FUT7: variants seen among roughly 807,000 people sequenced by gnomAD.
FUT7 encodes alpha-(1,3)-fucosyltransferase 7.
Under a neutral mutation model 5.0 loss-of-function variants are expected in FUT7, and 2 were observed. That is an observed-to-expected ratio of 0.40 (90% CI 0.16 to 1.26). The LOEUF is 1.26. FUT7 is among the 50% of genes most tolerant of loss of function. The pLI, the probability that FUT7 is intolerant of heterozygous loss-of-function variation, is 0.32. For synonymous variants in FUT7, 218 were observed against 210.6 expected, an observed-to-expected ratio of 1.03 and a Z score of -0.30; for missense variants, 461 against 489.8, an observed-to-expected ratio of 0.94 and a Z score of 0.55.
rs1831850029 is a variant in FUT7 at position 137,031,347 on chromosome 9, C to T, written c.392G>A (p.Ser131Asn). ...MESPSHTHGL[S>N]HLRGIFNWVL... ...CCAGTTGAAGATGCCTCGGAGGTGG[C>T]TGAGGCCGTGGGTGTGGCTAGGAGA... is the stretch of plus-strand genomic sequence containing the variant. Residue 131 changes from serine to asparagine, a missense_variant, in exon 2 of 2, where the codon AGC (serine) becomes AAC (asparagine). Transcript: ENST00000314412. 2 of 1,602,278 alleles carry T rather than the reference C, an allele frequency of 1.2e-6. No homozygotes were observed. Among genetic ancestry groups the T allele is most frequent in the African/African-American group, 2.7e-5 (2 of 74,972 alleles).
chr9:137,030,964 G>T lies in FUT7; in HGVS notation c.775C>A (p.Arg259=), dbSNP rs377124986. 14 of 1,612,844 alleles carry T rather than the reference G, an allele frequency of 8.7e-6. No individual in the cohort carries two copies. The highest frequency in any genetic ancestry group is 1.2e-5 in the Non-Finnish European group (14 of 1,180,006). Residue 259 remains arginine, a synonymous_variant, in exon 2 of 2, where the codon CGG becomes AGG. Transcript: ENST00000314412. ...GGCACGAAGGCCTCATAGGTGGCCC[G>T]TGGGGGCCCCAGCACCACTGGCACA... is the stretch of plus-strand genomic sequence containing the variant. ...GTVPVVLGPP[R]ATYEAFVPAD... is the part of the protein sequence containing the mutation.
rs1269903056 is a variant in FUT7, at chr9:137,031,295, GT to G, written c.443del (p.Asp148AlafsTer143). 1.9e-6 allele frequency: 3 copies of G among 1,607,298 alleles called. No individual in the cohort carries two copies. Among genetic ancestry groups the G allele is most frequent in the Admixed American group, 1.7e-5 (1 of 59,378 alleles). On this transcript the variant is annotated frameshift_variant, in exon 2 of 2. Coordinates refer to ENST00000314412, the MANE Select transcript of FUT7 (RefSeq NM_004479.4). LOFTEE classifies it low-confidence loss of function (END_TRUNC). ...NWVLSYRRDS[D>X]IFVPYGRLEP... The stretch of plus-strand genomic sequence containing the variant: ...CCAGGCGGCCATAGGGCACAAAGAT[GT>G]CCGAGTCGCGCCGGTAGCTCAGCAC...
chr9:137,030,980 C>T lies in FUT7; in HGVS notation c.759G>A (p.Val253=). The T allele has an allele frequency of 6.2e-7, 1 of 1,612,902 alleles. No individual in the cohort carries two copies. Among genetic ancestry groups the T allele is most frequent in the Non-Finnish European group, 8.5e-7 (1 of 1,180,028 alleles). Residue 253 remains valine, a synonymous_variant, in exon 2 of 2, where the codon GTG becomes GTA. Coordinates refer to ENST00000314412, the MANE Select transcript of FUT7 (RefSeq NM_004479.4). ...AGGTGGCCCGTGGGGGCCCCAGCAC[C>T]ACTGGCACAGTGCCAGCCACCAGTG... ...RNALVAGTVP[V]VLGPPRATYE...
In FUT7 at chr9:137,031,309, G is replaced by A. The variant is rs766686018; in HGVS notation, c.430C>T (p.Arg144Trp). 2.1e-5 allele frequency: 33 copies of A among 1,606,068 alleles called. No homozygotes were observed. Among genetic ancestry groups the A allele is most frequent in the Middle Eastern group, 1.6e-4 (1 of 6,072 alleles). Residue 144 changes from arginine (R) to tryptophan (W), a missense_variant, in exon 2 of 2, where the codon CGG (arginine) becomes TGG (tryptophan). Physicochemically the swap from Arg to Trp is moderately radical, Grantham distance 101. Transcript: ENST00000314412. The part of the protein sequence containing the change: ...RGIFNWVLSY[R>W]RDSDIFVPYG... The stretch of plus-strand genomic sequence containing the variant: ...GGCACAAAGATGTCCGAGTCGCGCC[G>A]GTAGCTCAGCACCCAGTTGAAGATG...
Position 137,031,406 on chromosome 9 carries a change from C to T in FUT7, c.333G>A (p.Pro111=), listed in dbSNP as rs779833281. The T allele has an allele frequency of 1.6e-5, 25 of 1,563,626 alleles. No individual in the cohort carries two copies. Among genetic ancestry groups the T allele is most frequent in the East Asian group, 7.1e-5 (3 of 42,322 alleles). ...AGGCCCACACCCAGGGCTGCCCTCG[C>T]GGCCGCTGGGCCAGGGGCAGGTGGG... The part of the protein sequence containing the change: ...RRSHLPLAQR[P]RGQPWVWASM... The change falls in exon 2 of 2, where the codon CCG becomes CCA. Residue 111 remains proline (P), a synonymous_variant. Transcript: ENST00000314412.
chr9:137,030,847 AGCGTTGGTATCG>A lies in FUT7; in HGVS notation c.880_891del (p.Arg294_Arg297del). On this transcript the variant is annotated inframe_deletion, in exon 2 of 2. Transcript: ENST00000314412. ...CGGAGCCTGTCACGCCAGGCAAAGA[AGCGTTGGTATCG>A]GCTCTCATTCATGCCAGTGAGGAAA... 2.5e-6 allele frequency: 4 copies of A among 1,612,828 alleles called. 1 individual carries two copies. The highest frequency in any genetic ancestry group is 3.4e-6 in the Non-Finnish European group (4 of 1,180,000).
Position 137,031,660 on chromosome 9 carries a change from G to A in FUT7, c.79C>T (p.Leu27Phe). The A allele has an allele frequency of 1.3e-6, 2 of 1,552,620 alleles. No individual in the cohort carries two copies. Among genetic ancestry groups the A allele is most frequent in the Non-Finnish European group, 1.7e-6 (2 of 1,149,332 alleles). The part of the protein sequence containing the change: ...VLAGVALLAA[L>F]WLLWLLGSAP... ...GACCCCAGCAGCCACAGGAGCCAGA[G>A]GGCAGCGAGCAGAGCCACCCCGGCC... Residue 27 changes from leucine to phenylalanine, a missense_variant, in exon 2 of 2, where the codon CTC (leucine) becomes TTC (phenylalanine). By Grantham distance (22) the Leu-to-Phe change is conservative. Coordinates refer to ENST00000314412, the MANE Select transcript of FUT7 (RefSeq NM_004479.4).
chr9:137,031,969 A>T lies in FUT7; in HGVS notation c.13+10T>A. On this transcript the variant is annotated intron_variant, in intron 1 of 1. Coordinates refer to ENST00000314412, the MANE Select transcript of FUT7 (RefSeq NM_004479.4). Reference sequence around the variant, plus strand: ...CCCAGCTTGGGCCTCCCCGAGGGCCAGACACTCACCAGCATTATTCATCCA... The same window carrying T: ...CCCAGCTTGGGCCTCCCCGAGGGCCTGACACTCACCAGCATTATTCATCCA... 6.2e-7 allele frequency: 1 copy of T among 1,611,412 alleles called. No individual in the cohort carries two copies. Among genetic ancestry groups the T allele is most frequent in the Non-Finnish European group, 8.5e-7 (1 of 1,179,626 alleles).
At position 137,030,461 on chromosome 9, in the gene FUT7, G is replaced by T. The variant is rs1198433147; in HGVS notation, c.*249C>A. The T allele has an allele frequency of 1.8e-6, 1 of 566,874 alleles. No homozygotes were observed. The highest frequency in any genetic ancestry group is 3.2e-6 in the Non-Finnish European group (1 of 314,440). The allele number at this position is 566,874 out of a possible 1,614,324, so 35.1% of individuals were successfully genotyped here. ...CCAGGCCTTCACCCACCCAAGATTT[G>T]TTCAGGGTGGGGAGGGTCCTCGGCA... On this transcript the variant is annotated 3_prime_UTR_variant, in exon 2 of 2. Transcript: ENST00000314412.
chr9:137,031,569 G>C lies in FUT7; in HGVS notation c.170C>G (p.Thr57Ser). ...ITILVWHWPFTDQPPELPSDT... is the reference protein window; with the variant it reads ...ITILVWHWPFSDQPPELPSDT... Reference sequence around the variant, plus strand: ...GCTGGGCAGCTCTGGGGGCTGGTCAGTGAAGGGCCAGTGCCAGACAAGGAT... The same window carrying C: ...GCTGGGCAGCTCTGGGGGCTGGTCACTGAAGGGCCAGTGCCAGACAAGGAT... Residue 57 changes from threonine to serine, a missense_variant, in exon 2 of 2, where the codon ACT becomes AGT. Physicochemically the swap from Thr to Ser is moderately conservative, Grantham distance 58. Coordinates refer to ENST00000314412, the MANE Select transcript of FUT7 (RefSeq NM_004479.4). 1.9e-6 allele frequency: 3 copies of C among 1,568,858 alleles called. No individual in the cohort carries two copies. The highest frequency in any genetic ancestry group is 2.6e-6 in the Non-Finnish European group (3 of 1,158,500).
At position 137,032,031 on chromosome 9, in the gene FUT7, TTCTCAAATCACGGCAGCC is replaced by T; in HGVS notation, c.-58_-41del. ...GATCAGTCAGCCAAGAGACCCGAGA[TTCTCAAATCACGGCAGCC>T]GCCAGAGGTGCCCCTGAAATCACAG... On this transcript the variant is annotated 5_prime_UTR_variant, in exon 1 of 2. Coordinates refer to ENST00000314412, the MANE Select transcript of FUT7 (RefSeq NM_004479.4). 6.2e-7 allele frequency: 1 copy of T among 1,611,722 alleles called. No individual in the cohort carries two copies.
Position 137,032,080 on chromosome 9 carries a change from C to T in FUT7, c.-89G>A. The T allele has an allele frequency of 7.2e-7, 1 of 1,395,436 alleles. No individual in the cohort carries two copies. Among genetic ancestry groups the T allele is most frequent in the Non-Finnish European group, 1.0e-6 (1 of 982,464 alleles). 86.4% of individuals were successfully genotyped at this position (1,395,436 alleles called of 1,614,324 possible). A position where few individuals can be genotyped will look rare whatever the true frequency, so the allele number is the denominator to read the frequency against. ...AGGTGCCCCTGAAATCACAGCTACG[C>T]CCTAGCTCAGCCCCGCCTGGAACTG... On this transcript the variant is annotated 5_prime_UTR_variant, in exon 1 of 2. Transcript: ENST00000314412.
At position 137,030,501 on chromosome 9, in the gene FUT7, G is replaced by T. The variant is rs753824073; in HGVS notation, c.*209C>A. The T allele has an allele frequency of 7.9e-6, 5 of 635,218 alleles. No homozygotes were observed. In the East Asian group the frequency reaches 1.4e-4, roughly 18 times the overall value. The allele number at this position is 635,218 out of a possible 1,614,324, so 39.3% of individuals were successfully genotyped here. On this transcript the variant is annotated 3_prime_UTR_variant, in exon 2 of 2. Coordinates refer to ENST00000314412, the MANE Select transcript of FUT7 (RefSeq NM_004479.4). ...GGTCCTCGGCAGCCTTTCCCCTCCCGTCTGCCGCAGCAGGCACCCGTTACC... is the reference window on the plus strand; with the variant it reads ...GGTCCTCGGCAGCCTTTCCCCTCCCTTCTGCCGCAGCAGGCACCCGTTACC...
rs1450254960 is a variant in FUT7 at position 137,030,828 on chromosome 9, C to T, written c.911G>A (p.Arg304Lys). Residue 304 changes from arginine to lysine, a missense_variant, in exon 2 of 2, where the codon AGG becomes AAG. Coordinates refer to ENST00000314412, the MANE Select transcript of FUT7 (RefSeq NM_004479.4). Reference protein sequence around the residue: ...RYQRFFAWRDRLRVRLFTDWR... With the variant: ...RYQRFFAWRDKLRVRLFTDWR... ...GTCGGTGAACAGTCGCACGCGGAGC[C>T]TGTCACGCCAGGCAAAGAAGCGTTG... 1.9e-6 allele frequency: 3 copies of T among 1,612,724 alleles called. No homozygotes were observed. Among genetic ancestry groups the T allele is most frequent in the Non-Finnish European group, 2.5e-6 (3 of 1,180,004 alleles).
At position 137,031,059 on chromosome 9, in the gene FUT7, G is replaced by A. The variant is rs756008800; in HGVS notation, c.680C>T (p.Ser227Phe). Residue 227 changes from serine (S) to phenylalanine (F), a missense_variant, in exon 2 of 2, where the codon TCC (serine) becomes TTC (phenylalanine). Ser to Phe is a radical substitution (Grantham distance 155, BLOSUM62 -2). Coordinates refer to ENST00000314412, the MANE Select transcript of FUT7 (RefSeq NM_004479.4). The stretch of plus-strand genomic sequence containing the variant: ...GTCGCGGTGCTGAGAGTTCTCAAAG[G>A]ACAGGTAGAAGCGGTACTGGGCCAC... ...PTVAQYRFYL[S>F]FENSQHRDYI... 6.2e-7 allele frequency: 1 copy of A among 1,612,832 alleles called. No homozygotes were observed. Among genetic ancestry groups the A allele is most frequent in the Non-Finnish European group, 8.5e-7 (1 of 1,179,988 alleles).
Position 137,031,496 on chromosome 9 carries a change from G to A in FUT7, c.243C>T (p.Asn81=), listed in dbSNP as rs1439293889. Residue 81 remains asparagine (N), a synonymous_variant, in exon 2 of 2, where the codon AAC becomes AAT. Coordinates refer to ENST00000314412, the MANE Select transcript of FUT7 (RefSeq NM_004479.4). The part of the protein sequence containing the change: ...YGIARCHLSA[N]RSLLASADAV... ...CGTCGGCGCTGGCCAGCAGGCTTCGGTTGGCACTCAGGTGGCAGCGGGCGA... is the reference window on the plus strand; with the variant it reads ...CGTCGGCGCTGGCCAGCAGGCTTCGATTGGCACTCAGGTGGCAGCGGGCGA... 6.4e-7 allele frequency: 1 copy of A among 1,554,604 alleles called. No homozygotes were observed. Among genetic ancestry groups the A allele is most frequent in the Non-Finnish European group, 8.7e-7 (1 of 1,149,884 alleles).
rs544025626 is a variant in FUT7 at position 137,030,302 on chromosome 9, G to T, written c.*408C>A. 20 of 278,716 alleles carry T rather than the reference G, an allele frequency of 7.2e-5. No individual in the cohort carries two copies. The highest frequency in any genetic ancestry group is 6.0e-4 in the South Asian group (16 of 26,580). The allele number at this position is 278,716 out of a possible 1,614,324, so 17.3% of individuals were successfully genotyped here. On this transcript the variant is annotated 3_prime_UTR_variant, in exon 2 of 2. Transcript: ENST00000314412. The stretch of plus-strand genomic sequence containing the variant: ...GACCTCAGAACTATGGACGTGGCAG[G>T]GACCCGTGCCTGTGTCTCGGGGACC...
In FUT7 at chr9:137,030,574, C is replaced by T. The variant is rs1831826661; in HGVS notation, c.*136G>A. 5.8e-6 allele frequency: 6 copies of T among 1,031,546 alleles called. No homozygotes were observed. The highest frequency in any genetic ancestry group is 8.7e-6 in the Non-Finnish European group (6 of 692,816). The allele number at this position is 1,031,546 out of a possible 1,614,324, so 63.9% of individuals were successfully genotyped here. On this transcript the variant is annotated 3_prime_UTR_variant, in exon 2 of 2. Coordinates refer to ENST00000314412, the MANE Select transcript of FUT7 (RefSeq NM_004479.4). ...TGCATGCTCCAGTGCCCACCTGCAC[C>T]CCCCACCCCTGCTTCCTGACCTCTG...
rs1313154615 is a variant in FUT7 at position 137,031,150 on chromosome 9, G to T, written c.589C>A (p.Leu197Met). Residue 197 changes from leucine (L) to methionine (M), a missense_variant, in exon 2 of 2, where the codon CTG (leucine) becomes ATG (methionine). Physicochemically the swap from Leu to Met is conservative, Grantham distance 15 (BLOSUM62 2). Transcript: ENST00000314412. Reference sequence around the variant, plus strand: ...GCACGGCCAAAGACATCCACCCGCAGATGAGGCGCCAGCTGCCGGTACAGC... The same window carrying T: ...GCACGGCCAAAGACATCCACCCGCATATGAGGCGCCAGCTGCCGGTACAGC... ...ARLYRQLAPH[L>M]RVDVFGRANG... The T allele has an allele frequency of 1.9e-6, 3 of 1,612,130 alleles. No individual in the cohort carries two copies. The highest frequency in any genetic ancestry group is 2.5e-6 in the Non-Finnish European group (3 of 1,179,634).
Sources: gnomAD v4.1 joint callset for allele counts on GRCh38, gnomAD v4.1.1 for gene constraint, MANE v1.5 for transcripts, NCBI Gene and HGNC (gene_info 2026-07-23, HGNC 2026-07-21) for gene names.